The following GALK2 variants were observed in gnomAD, a reference collection of about 807,000 sequenced individuals.
GALK2 encodes the protein N-acetylgalactosamine kinase.
Under a neutral mutation model 52.4 loss-of-function variants are expected in GALK2, and 36 were observed. The ratio of observed to expected loss-of-function variants is 0.69; its 90% CI spans 0.53 to 0.91. The LOEUF (loss-of-function observed/expected upper bound fraction) is 0.91, where lower values mean the gene tolerates loss of function less well. Among genes scored for constraint, GALK2 ranks in the 40% least tolerant of loss-of-function variants. GALK2 has a pLI of 0.00. For synonymous variants in GALK2, 176 were observed against 199.1 expected, an observed-to-expected ratio of 0.88 and a Z score of 0.98; for missense variants, 579 against 559.1, an observed-to-expected ratio of 1.04 and a Z score of -0.36.
chr15:49,174,202 C>G (rs552115495), intron 1 of GALK2, among the ~76,000 whole-genome samples: 1 of 152,140 alleles, frequency 6.6e-6, no homozygotes, highest in East Asian at 1.9e-4. Flanking sequence ...TATATATTCT[C>G]TGAGCATTCT....
intron 2 of GALK2, 108 bp downstream of exon 2, chr15:49,201,358 A>G (rs951501950): frequency 1.5e-5 from 9 of 605,506 alleles, no homozygotes; most frequent in Non-Finnish European, 2.6e-5. Flanking sequence ...AATATTTCAC[A>G]TGTATCTACT....
intron 1 of GALK2, among the ~76,000 whole-genome samples, chr15:49,186,523 T>C (rs1220943058): frequency 2.0e-5 from 3 of 151,484 alleles, no homozygotes; most frequent in Admixed American, 1.3e-4. Context: ...TTTTTCTCTG[T>C]ATTGTCCTGA....
At chr15:49,266,476 C>G (rs925273686) in intron 5 of GALK2, among the ~76,000 whole-genome samples, 1 of 152,202 alleles carries the variant, frequency 6.6e-6, no homozygotes, top group African/African-American at 2.4e-5. Context: ...AAGACTGCCT[C>G]TCTCACTTGT....
chr15:49,291,153 G>A (rs1055931493), intron 7 of GALK2, among the ~76,000 whole-genome samples: 8 of 148,914 alleles, frequency 5.4e-5, no homozygotes, highest in East Asian at 2.0e-4. Context: ...ACAAGGTTTC[G>A]CCATTTTTTT....
chr15:49,313,519 T>C (rs1403581601), intron 8 of GALK2, among the ~76,000 whole-genome samples: 1 of 152,160 alleles, frequency 6.6e-6, no homozygotes, highest in Non-Finnish European at 1.5e-5. Context: ...TACTGGTCCT[T>C]CCCCAGCAAG....
chr15:49,328,123 A>C lies in GALK2; in HGVS notation c.1341A>C (p.Lys447Asn). 6.2e-7 allele frequency: 1 copy of C among 1,614,068 alleles called. No individual in the cohort carries two copies. The highest frequency in any genetic ancestry group is 8.5e-7 in the Non-Finnish European group (1 of 1,179,970). Reference protein sequence around the residue: ...APEKQSLFATKPGGGALVLLE... With the variant: ...APEKQSLFATNPGGGALVLLE... ...AGAAGCAAAGTTTGTTTGCTACCAA[A>C]CCTGGAGGTGGGGCTTTGGTTTTGC... Residue 447 changes from lysine to asparagine, a missense_variant, in exon 10 of 10, where the codon AAA becomes AAC. Transcript: ENST00000560031.
chr15:49,358,659 A>T (rs376850151), intron 3 of GALK2, among the ~76,000 whole-genome samples: 141 of 150,022 alleles, frequency 9.4e-4, no homozygotes, highest in East Asian at 7.9e-3. Flanking sequence ...ATGGCCATAC[A>T]GCCCAAGGTA....
At chr15:49,252,665 A>G (rs1363797741) in intron 5 of GALK2, among the ~76,000 whole-genome samples, 3 of 146,406 alleles carry the variant, frequency 2.0e-5, no homozygotes, top group Admixed American at 2.0e-4. Context: ...AATTATTTTC[A>G]TACTTATTCA....
chr15:49,352,036 C>T lies in GALK2; in HGVS notation c.427-15455C>T, dbSNP rs562950228. Among the ~76,000 whole-genome samples, 7 of 152,312 alleles carry T rather than the reference C, an allele frequency of 4.6e-5. No homozygotes were observed. The South Asian group carries it at 1.2e-3, about 27-fold the overall frequency. ...TCATGTAGTTGAGGTCAGTTGTTGA[C>T]TGGGACTGGAGCCATCTCAAAGATT... is the stretch of plus-strand genomic sequence containing the variant. On this transcript the variant is annotated intron_variant, in intron 3 of 3. Coordinates refer to the GALK2 transcript ENST00000558399.
At chr15:49,259,630 C>A (rs1029578662) in intron 5 of GALK2, among the ~76,000 whole-genome samples, 1 of 146,910 alleles carries the variant, frequency 6.8e-6, no homozygotes, top group Admixed American at 6.9e-5. Flanking sequence ...GCACAATGTG[C>A]AGGTTAGTTA....
At chr15:49,276,714 C>T (rs1167516893) in intron 5 of GALK2, among the ~76,000 whole-genome samples, 3 of 152,186 alleles carry the variant, frequency 2.0e-5, no homozygotes, top group Non-Finnish European at 2.9e-5. Context: ...CTTCCTTTTA[C>T]AGTGTAGTGC....
chr15:49,293,238 A>G (rs2034120719), intron 8 of GALK2, among the ~76,000 whole-genome samples: 1 of 152,232 alleles, frequency 6.6e-6, no homozygotes, highest in African/African-American at 2.4e-5. Flanking sequence ...TCAGTTCTAC[A>G]ACTGGTTGTT....
intron 1 of GALK2, among the ~76,000 whole-genome samples, chr15:49,157,582 C>T (rs1049118412): frequency 6.6e-6 from 1 of 152,054 alleles, no homozygotes; most frequent in Non-Finnish European, 1.5e-5. Flanking sequence ...GAAAAAGTAA[C>T]ATTTCTCTGG....
Position 49,292,394 on chromosome 15 carries a change from T to C in GALK2, c.824T>C (p.Leu275Pro), listed in dbSNP as rs754871023. Residue 275 changes from leucine to proline, a missense_variant, in exon 8 of 10, where the codon CTA becomes CCA. By Grantham distance (98) the Leu-to-Pro change is moderately conservative (BLOSUM62 -3). Transcript: ENST00000560031. ...AGGCTGGAGGAGGTGCAGGCTAAACTAGGGATTAGTCTAGAAGAAATGCTG... is the reference window on the plus strand; with the variant it reads ...AGGCTGGAGGAGGTGCAGGCTAAACCAGGGATTAGTCTAGAAGAAATGCTG... Reference protein sequence around the residue: ...VLRLEEVQAKLGISLEEMLLV... With the variant: ...VLRLEEVQAKPGISLEEMLLV... The C allele has an allele frequency of 1.2e-6, 2 of 1,613,940 alleles. No individual in the cohort carries two copies. The highest frequency in any genetic ancestry group is 2.7e-5 in the African/African-American group (2 of 74,904).
rs1241610640 is a variant in GALK2, at chr15:49,309,627, T to TG, written c.968-9976dup. Among the ~76,000 whole-genome samples, 4 of 151,160 alleles carry TG rather than the reference T, an allele frequency of 2.6e-5. No homozygotes were observed. In the South Asian group the frequency reaches 8.6e-4, roughly 32 times the overall value. ...TTTCTAGTTGCTTGGGTTTTTTTTT[T>TG]GTTTTTTTTTGAGATGGAGTTTCAT... On this transcript the variant is annotated intron_variant, in intron 8 of 9. Coordinates refer to ENST00000560031, the MANE Select transcript of GALK2 (RefSeq NM_002044.4).
intron 2 of GALK2, among the ~76,000 whole-genome samples, chr15:49,203,944 G>C (rs909635833): frequency 6.6e-6 from 1 of 151,918 alleles, no homozygotes; most frequent in Non-Finnish European, 1.5e-5. Flanking sequence ...ATGAAACCTC[G>C]TCTCTGCTAA....
chr15:49,162,072 C>CA (rs1346158248), intron 1 of GALK2, among the ~76,000 whole-genome samples: 9 of 152,194 alleles, frequency 5.9e-5, no homozygotes, highest in Non-Finnish European at 2.9e-5. Flanking sequence ...GTGAAACTAT[C>CA]ACGACACAAG....
chr15:49,335,726 T>G (rs921161192), downstream of GALK2, among the ~76,000 whole-genome samples: 5 of 152,370 alleles, frequency 3.3e-5, no homozygotes, highest in Admixed American at 3.3e-4. Context: ...CATAGGGCAC[T>G]ATGATTTAAT....
chr15:49,201,277 T>C (rs1439054319), intron 2 of GALK2, 27 bp downstream of exon 2: 2 of 1,300,582 alleles, frequency 1.5e-6, no homozygotes, highest in South Asian at 2.6e-5. Context: ...TTCTCTTAAT[T>C]TTTTTCTTCA....
Sources: allele counts gnomAD v4.1 joint callset (sites outside exome capture counted in the v4.1 genomes callset), GRCh38; gene constraint gnomAD v4.1.1; transcripts MANE v1.5; gene names NCBI Gene and HGNC (gene_info 2026-07-23, HGNC 2026-07-21).